CPNE4: variants seen among roughly 807,000 people sequenced by gnomAD.
CPNE4 encodes copine-4.
In CPNE4, 25 loss-of-function variants were observed where a neutral mutation model predicts 67.9. The ratio of observed to expected loss-of-function variants is 0.37; its 90% CI spans 0.27 to 0.51. CPNE4 has a LOEUF of 0.51. Ranked by LOEUF, CPNE4 falls within the 20% of genes least tolerant of loss-of-function variation. The pLI, the probability that CPNE4 is intolerant of heterozygous loss-of-function variation, is 0.93. For synonymous variants in CPNE4, 242 were observed against 244.9 expected (o/e 0.99, Z 0.11); for missense variants, 464 against 690.8 (o/e 0.67, Z 3.68).
At chr3:131,824,683 T>C (rs558537963) in intron 2 of CPNE4, among the ~76,000 whole-genome samples, 1 of 152,276 alleles carries the variant, frequency 6.6e-6, no homozygotes, top group Admixed American at 6.5e-5. Flanking sequence ...ATGAATCCTT[T>C]CAGGAGAAAA....
intron 1 of CPNE4, among the ~76,000 whole-genome samples, chr3:131,997,782 C>T (rs998101902): frequency 3.3e-5 from 5 of 152,054 alleles, no homozygotes; most frequent in African/African-American, 7.2e-5. Flanking sequence ...GGCAACAAAG[C>T]GGCCAGATTT....
At chr3:131,842,429 G>T (rs2085823402) in intron 2 of CPNE4, among the ~76,000 whole-genome samples, 1 of 152,150 alleles carries the variant, frequency 6.6e-6, no homozygotes, top group Non-Finnish European at 1.5e-5. Flanking sequence ...GACTGCATGA[G>T]AACTGGACTC....
chr3:132,018,647 C>T (rs529386555), intron 1 of CPNE4, among the ~76,000 whole-genome samples: 6 of 152,296 alleles, frequency 3.9e-5, no homozygotes, highest in African/African-American at 1.4e-4. Flanking sequence ...TCATTAAGCA[C>T]ATTTCCACCA....
intron 1 of CPNE4, among the ~76,000 whole-genome samples, chr3:132,026,532 C>T (rs1322746861): frequency 2.0e-5 from 3 of 152,170 alleles, no homozygotes; most frequent in African/African-American, 7.2e-5. Context: ...TCCTCTTCCT[C>T]CCAGTTGCCA....
chr3:131,762,836 A>G (rs1162770941), intron 2 of CPNE4, among the ~76,000 whole-genome samples: 1 of 151,960 alleles, frequency 6.6e-6, no homozygotes, highest in Non-Finnish European at 1.5e-5. Context: ...ATTTTTATGA[A>G]TATCATGAGT....
chr3:131,799,685 C>G (rs1161850997), intron 2 of CPNE4, among the ~76,000 whole-genome samples: 2 of 152,198 alleles, frequency 1.3e-5, no homozygotes, highest in East Asian at 3.9e-4. Context: ...AAATAGAAGC[C>G]TGGATCCCCT....
chr3:131,950,095 T>C (rs1368702241), intron 1 of CPNE4, among the ~76,000 whole-genome samples: 1 of 152,196 alleles, frequency 6.6e-6, no homozygotes, highest in African/African-American at 2.4e-5. Context: ...AATAAGCTAA[T>C]ATTGAACCAT....
intron 1 of CPNE4, among the ~76,000 whole-genome samples, chr3:131,965,296 C>T (rs1030143932): frequency 1.3e-5 from 2 of 152,198 alleles, no homozygotes; most frequent in Non-Finnish European, 2.9e-5. Flanking sequence ...ACCAACAACA[C>T]TATGAAGAAA....
intron 6 of CPNE4, among the ~76,000 whole-genome samples, chr3:131,685,591 G>A (rs1431545152): frequency 1.1e-4 from 17 of 151,372 alleles, no homozygotes. Context: ...AGACCAGCCT[G>A]GCCAAGATGG....
intron 3 of CPNE4, among the ~76,000 whole-genome samples, chr3:131,717,924 T>TTCTC: frequency 1.3e-5 from 2 of 148,152 alleles, no homozygotes; most frequent in East Asian, 2.0e-4. Context: ...CTTTCTTTCT[T>TTCTC]TCTTTCTTTC....
At chr3:132,008,710 A>G (rs1317525279) in intron 1 of CPNE4, among the ~76,000 whole-genome samples, 3 of 152,160 alleles carry the variant, frequency 2.0e-5, no homozygotes, top group Admixed American at 6.5e-5. Flanking sequence ...TAAACTTCTA[A>G]TGATTTTTTC....
intron 1 of CPNE4, among the ~76,000 whole-genome samples, chr3:131,958,609 CTTTTTTTTTTTTTTTT>C (rs748126986): frequency 1.1e-4 from 11 of 96,034 alleles, no homozygotes; most frequent in South Asian, 3.5e-4. Context: ...TCTTTCTTTT[CTTTTTTTTTTTTTTTT>C]TTTTTTTTTT....
chr3:131,828,445 C>A (rs1192454106), intron 2 of CPNE4, among the ~76,000 whole-genome samples: 1 of 152,158 alleles, frequency 6.6e-6, no homozygotes, highest in Non-Finnish European at 1.5e-5. Context: ...CAAAATTAAT[C>A]CATGCTATTA....
At chr3:131,692,503 C>A (rs2081057081) in intron 5 of CPNE4, among the ~76,000 whole-genome samples, 1 of 152,170 alleles carries the variant, frequency 6.6e-6, no homozygotes, top group Non-Finnish European at 1.5e-5. Flanking sequence ...TAGGGGTCAG[C>A]AAACTATGGC....
At chr3:131,697,749 T>C (rs1461079327) in intron 4 of CPNE4, among the ~76,000 whole-genome samples, 4 of 152,194 alleles carry the variant, frequency 2.6e-5, no homozygotes, top group African/African-American at 9.6e-5. Flanking sequence ...ATGCCTCTTA[T>C]ACTTCATTTG....
intron 2 of CPNE4, among the ~76,000 whole-genome samples, chr3:131,819,520 A>G (rs934295591): frequency 2.0e-5 from 3 of 147,314 alleles, no homozygotes; most frequent in African/African-American, 4.9e-5. Flanking sequence ...ACACACACAC[A>G]CACGCACAGT....
At chr3:132,003,797 C>G (rs1202954128) in intron 1 of CPNE4, among the ~76,000 whole-genome samples, 1 of 152,044 alleles carries the variant, frequency 6.6e-6, no homozygotes, top group Non-Finnish European at 1.5e-5. Context: ...TAAAAAGTTA[C>G]TTGATAGGAG....
chr3:131,906,605 G>A (rs1423624117), intron 1 of CPNE4, among the ~76,000 whole-genome samples: 1 of 151,880 alleles, frequency 6.6e-6, no homozygotes, highest in Non-Finnish European at 1.5e-5. Flanking sequence ...TGGCTGCATA[G>A]TATTCCATGG....
intron 1 of CPNE4, among the ~76,000 whole-genome samples, chr3:131,931,486 T>C (rs2071059096): frequency 6.6e-6 from 1 of 152,152 alleles, no homozygotes; most frequent in Non-Finnish European, 1.5e-5. Flanking sequence ...GACTGTGTTT[T>C]AGGACTTCCT....
Sources: allele counts gnomAD v4.1 joint callset (sites outside exome capture counted in the v4.1 genomes callset), GRCh38; gene constraint gnomAD v4.1.1; transcripts MANE v1.5; gene names NCBI Gene and HGNC (gene_info 2026-07-23, HGNC 2026-07-21).